The following CFAP70 variants were observed in gnomAD, a reference collection of about 807,000 sequenced individuals.
CFAP70 encodes the protein cilia- and flagella-associated protein 70.
A neutral mutation model predicts 137.6 loss-of-function variants in CFAP70; 81 were observed. The observed-to-expected ratio is 0.59, with a 90% CI of 0.49 to 0.71. The LOEUF (loss-of-function observed/expected upper bound fraction) is 0.71, where lower values mean the gene tolerates loss of function less well. CFAP70 is among the 30% of genes least tolerant of loss of function. CFAP70 has a pLI of 0.00. For synonymous variants in CFAP70, 382 were observed against 423.6 expected, an observed-to-expected ratio of 0.90 and a Z score of 1.20; for missense variants, 976 against 1,226.7, an observed-to-expected ratio of 0.80 and a Z score of 3.05.
intron 8 of CFAP70, among the ~76,000 whole-genome samples, chr10:73,329,628 A>T (rs963110681): frequency 2.0e-5 from 3 of 152,240 alleles, no homozygotes; most frequent in Admixed American, 2.0e-4. Flanking sequence ...GCGGCTTCTT[A>T]GCAGAAAGTG....
At chr10:73,292,092 T>TA in intron 16 of CFAP70, 78 bp from the exon 18 acceptor site, 1 of 1,518,252 alleles carries the variant, frequency 6.6e-7, no homozygotes. Context: ...GTAAACACTG[T>TA]AAATACTGTA....
chr10:73,254,166 G>C, intron 26 of CFAP70, 111 bp from the exon 28 acceptor site: 1 of 783,160 alleles, frequency 1.3e-6, no homozygotes, highest in South Asian at 3.0e-5. Flanking sequence ...AGTTCCCTGG[G>C]ATGGAATTGG....
At chr10:73,310,783 C>T (rs944431047) in intron 11 of CFAP70, among the ~76,000 whole-genome samples, 2 of 152,102 alleles carry the variant, frequency 1.3e-5, no homozygotes, top group Non-Finnish European at 2.9e-5. Context: ...TGTTGTCATC[C>T]TTCCAGAAAG....
chr10:73,289,385 A>C (rs1410617585), intron 19 of CFAP70, among the ~76,000 whole-genome samples: 2 of 152,016 alleles, frequency 1.3e-5, no homozygotes. Context: ...TCCTGGGTTC[A>C]AGCGATTCTC....
intron 20 of CFAP70, 31 bp from the exon 22 acceptor site, chr10:73,277,392 T>C (rs370637879): frequency 8.1e-6 from 13 of 1,609,242 alleles, no homozygotes; most frequent in Admixed American, 6.7e-5. Flanking sequence ...GGATTGAAGA[T>C]TGGATATAAC....
intron 8 of CFAP70, among the ~76,000 whole-genome samples, chr10:73,325,501 G>A (rs2051315795): frequency 6.6e-6 from 1 of 152,180 alleles, no homozygotes; most frequent in Non-Finnish European, 1.5e-5. Context: ...AACCTTAAAT[G>A]TAAATGGGCT....
chr10:73,267,102 A>T (rs553079795), intron 25 of CFAP70, among the ~76,000 whole-genome samples: 4 of 152,330 alleles, frequency 2.6e-5, no homozygotes, highest in Admixed American at 2.6e-4. Flanking sequence ...TCAGTTATGT[A>T]CTGAAGTATA....
chr10:73,256,263 A>G, intron 26 of CFAP70, 106 bp downstream of exon 27: 1 of 1,308,954 alleles, frequency 7.6e-7, no homozygotes, highest in Non-Finnish European at 1.1e-6. Context: ...AAAAGCCTCT[A>G]GAAAAATATT....
chr10:73,331,238 A>G, exon 8 of CFAP70: 1 of 1,613,764 alleles, frequency 6.2e-7, no homozygotes, highest in Non-Finnish European at 8.5e-7. Context: ...TGTGATCTCT[A>G]CAGGCCAAAG....
intron 20 of CFAP70, among the ~76,000 whole-genome samples, chr10:73,277,647 AGG>A (rs1244442343): frequency 6.6e-6 from 1 of 151,686 alleles, no homozygotes; most frequent in Non-Finnish European, 1.5e-5. Flanking sequence ...AAGGAGTCAG[AGG>A]TTGCAGTGAG....
chr10:73,338,284 G>A (rs1031066342), intron 6 of CFAP70, among the ~76,000 whole-genome samples: 2 of 151,486 alleles, frequency 1.3e-5, no homozygotes, highest in African/African-American at 4.9e-5. Context: ...CCAAGGAGCT[G>A]GGATTCAGGC....
At chr10:73,311,555 T>G (rs2049924339) in intron 11 of CFAP70, among the ~76,000 whole-genome samples, 1 of 152,172 alleles carries the variant, frequency 6.6e-6, no homozygotes, top group African/African-American at 2.4e-5. Flanking sequence ...ATGCTGCAGA[T>G]GATGCATCTT....
intron 12 of CFAP70, among the ~76,000 whole-genome samples, chr10:73,309,422 C>A (rs2049702848): frequency 1.3e-5 from 2 of 151,942 alleles, no homozygotes; most frequent in Admixed American, 6.6e-5. Context: ...ATAACAACAC[C>A]AAGGTGTTAA....
intron 12 of CFAP70, 31 bp from the exon 14 acceptor site, chr10:73,299,696 CA>C (rs753994402): frequency 1.3e-4 from 194 of 1,541,686 alleles, no homozygotes; most frequent in South Asian, 2.8e-4. Context: ...AATAAAAAAA[CA>C]AAAAAAAATT....
chr10:73,316,850 G>A (rs4381298), intron 9 of CFAP70, among the ~76,000 whole-genome samples: 16,098 of 151,954 alleles, frequency 0.11, 1,235 homozygotes, highest in East Asian at 0.31. Flanking sequence ...AAACTCCTTT[G>A]TATTAACTTA....
At chr10:73,349,731 A>G (rs2054043486) in intron 3 of CFAP70, among the ~76,000 whole-genome samples, 1 of 152,230 alleles carries the variant, frequency 6.6e-6, no homozygotes, top group Non-Finnish European at 1.5e-5. Flanking sequence ...TTTCAAATAC[A>G]CAAAGTAGAA....
At chr10:73,316,014 A>T (rs143193136) in intron 9 of CFAP70, among the ~76,000 whole-genome samples, 47 of 152,282 alleles carry the variant, frequency 3.1e-4, no homozygotes, top group African/African-American at 1.0e-3. Context: ...TTAAGTGTGT[A>T]TACACTTATA....
chr10:73,281,433 C>T (rs988648059), intron 19 of CFAP70, among the ~76,000 whole-genome samples: 1 of 151,760 alleles, frequency 6.6e-6, no homozygotes, highest in African/African-American at 2.4e-5. Flanking sequence ...AAGTGATCTG[C>T]CTGCCTTGGA....
At chr10:73,338,782 G>A (rs746754340) in intron 6 of CFAP70, among the ~76,000 whole-genome samples, 2 of 151,942 alleles carry the variant, frequency 1.3e-5, no homozygotes, top group African/African-American at 2.4e-5. Flanking sequence ...TTTGTGGGAT[G>A]TAAAACCCAC....
Sources: allele counts gnomAD v4.1 joint callset (sites outside exome capture counted in the v4.1 genomes callset), GRCh38; gene constraint gnomAD v4.1.1; transcripts MANE v1.5; gene names NCBI Gene and HGNC (gene_info 2026-07-23, HGNC 2026-07-21).